The following PIK3AP1 variants were observed in gnomAD, a reference collection of about 807,000 sequenced individuals.
The protein encoded by PIK3AP1 is phosphoinositide-3-kinase adaptor protein 1.
Under a neutral mutation model 88.1 loss-of-function variants are expected in PIK3AP1, and 21 were observed. The observed-to-expected ratio is 0.24, with a 90% CI of 0.17 to 0.34. The LOEUF (loss-of-function observed/expected upper bound fraction) is 0.34. PIK3AP1 is among the 10% of genes least tolerant of loss of function. PIK3AP1 has a pLI of 1.00. For synonymous variants in PIK3AP1, 398 were observed against 400.0 expected, an observed-to-expected ratio of 1.00 and a Z score of 0.06; for missense variants, 828 against 1,035.7, an observed-to-expected ratio of 0.80 and a Z score of 2.75.
intron 2 of PIK3AP1, among the ~76,000 whole-genome samples, chr10:96,687,275 A>G (rs1048625204): frequency 1.6e-4 from 22 of 135,906 alleles, no homozygotes; most frequent in African/African-American, 6.2e-4. Flanking sequence ...AAAAAAAAAA[A>G]AAAAAAAAAA....
chr10:96,664,609 A>T (rs1257753085), intron 2 of PIK3AP1, among the ~76,000 whole-genome samples: 2 of 152,252 alleles, frequency 1.3e-5, no homozygotes, highest in East Asian at 3.8e-4. Context: ...CCAAGAGCCC[A>T]GCTTGACACA....
At chr10:96,667,876 C>T (rs1239601993) in intron 2 of PIK3AP1, among the ~76,000 whole-genome samples, 3 of 152,192 alleles carry the variant, frequency 2.0e-5, no homozygotes, top group Non-Finnish European at 4.4e-5. Flanking sequence ...ATAGAGGGAA[C>T]AGGGCCTTAA....
chr10:96,633,072 C>T (rs1487460201), intron 8 of PIK3AP1: 16 of 1,577,310 alleles, frequency 1.0e-5, no homozygotes, highest in Admixed American at 3.7e-5. Context: ...CCTACAAGAG[C>T]AATTTCTCTC....
chr10:96,711,603 T>C (rs2134293015), intron 1 of PIK3AP1, among the ~76,000 whole-genome samples: 1 of 152,314 alleles, frequency 6.6e-6, no homozygotes, highest in South Asian at 2.1e-4. Context: ...AGGCAAGACC[T>C]AGAGGCTCTG....
intron 2 of PIK3AP1, among the ~76,000 whole-genome samples, chr10:96,657,917 G>A (rs1453379540): frequency 1.3e-5 from 2 of 151,960 alleles, no homozygotes; most frequent in Non-Finnish European, 2.9e-5. Flanking sequence ...TACAAAATTA[G>A]CCAGGTGTGG....
At chr10:96,663,599 C>T (rs1260469706) in intron 2 of PIK3AP1, among the ~76,000 whole-genome samples, 2 of 128,572 alleles carry the variant, frequency 1.6e-5, no homozygotes, top group Non-Finnish European at 3.1e-5. Context: ...CACTGTACTC[C>T]AGCCTGGGCA....
chr10:96,675,518 G>A lies in PIK3AP1; in HGVS notation c.431-18584C>T, dbSNP rs755964033. On this transcript the variant is annotated intron_variant, in intron 2 of 16. Coordinates refer to ENST00000339364, the MANE Select transcript of PIK3AP1 (RefSeq NM_152309.3). ...TCAGAGGGTGGCACAGGAGCCCTTG[G>A]TCGGTTCTACTCCCAGCAACTGGAG... 5.3e-5 allele frequency among the ~76,000 whole-genome samples: 8 copies of A among 152,244 alleles called. No individual in the cohort carries two copies. In the East Asian group the frequency reaches 7.7e-4, roughly 15 times the overall value.
chr10:96,649,234 G>A (rs1474068763), intron 6 of PIK3AP1, among the ~76,000 whole-genome samples: 1 of 152,094 alleles, frequency 6.6e-6, no homozygotes, highest in Non-Finnish European at 1.5e-5. Flanking sequence ...AGTAGAGATG[G>A]GGCTTCACCA....
At chr10:96,617,871 G>C (rs1247925756) in intron 12 of PIK3AP1, among the ~76,000 whole-genome samples, 1 of 152,196 alleles carries the variant, frequency 6.6e-6, no homozygotes, top group African/African-American at 2.4e-5. Context: ...GGGGCACTCA[G>C]GGGGACAAAG....
rs143613269 is a variant in PIK3AP1 at position 96,613,542 on chromosome 10, C to T, written c.2014+3097G>A. Among the ~76,000 whole-genome samples, 425 of 152,248 alleles carry T rather than the reference C, an allele frequency of 2.8e-3. 2 individuals carry two copies. Among genetic ancestry groups the T allele is most frequent in the African/African-American group, 0.01 (416 of 41,542 alleles). ...GTACAAATACTTAACACCCCTCTCC[C>T]GAAAATATCCTTGTCAGAGGGTCTG... On this transcript the variant is annotated intron_variant, in intron 13 of 16. Transcript: ENST00000339364.
At chr10:96,681,594 C>A (rs1564982151) in intron 2 of PIK3AP1, among the ~76,000 whole-genome samples, 1 of 152,098 alleles carries the variant, frequency 6.6e-6, no homozygotes, top group Non-Finnish European at 1.5e-5. Flanking sequence ...AACTTGGGCC[C>A]AAAAGGGGGC....
At chr10:96,623,142 G>A (rs972209988) in intron 11 of PIK3AP1, among the ~76,000 whole-genome samples, 2 of 152,036 alleles carry the variant, frequency 1.3e-5, no homozygotes, top group Admixed American at 6.6e-5. Context: ...TTTACCATCA[G>A]TACAAGACTC....
At position 96,609,715 on chromosome 10, in the gene PIK3AP1, C is replaced by T; in HGVS notation, c.2167G>A (p.Ala723Thr). 3 of 1,613,382 alleles carry T rather than the reference C, an allele frequency of 1.9e-6. No individual in the cohort carries two copies. Among genetic ancestry groups the T allele is most frequent in the Non-Finnish European group, 2.5e-6 (3 of 1,179,696 alleles). Residue 723 changes from alanine to threonine, a missense_variant, in exon 14 of 17, where the codon GCA becomes ACA. Ala to Thr is a moderately conservative substitution (Grantham distance 58). Coordinates refer to ENST00000339364, the MANE Select transcript of PIK3AP1 (RefSeq NM_152309.3). ...CCCCGCACCCCCAGCTGCTCACTTG[C>T]TGTGCTGGAGGTGCTGTCTGTTTTC... Reference protein sequence around the residue: ...DWKTDSTSSTASSTSNRSSTR... With the variant: ...DWKTDSTSSTTSSTSNRSSTR...
intron 2 of PIK3AP1, among the ~76,000 whole-genome samples, chr10:96,666,504 C>T (rs1002409660): frequency 6.6e-6 from 1 of 152,056 alleles, no homozygotes; most frequent in African/African-American, 2.4e-5. Flanking sequence ...ACTAAAGCTT[C>T]ATAATATTTA....
chr10:96,686,801 C>T (rs1564983877), intron 2 of PIK3AP1, among the ~76,000 whole-genome samples: 1 of 152,072 alleles, frequency 6.6e-6, no homozygotes, highest in Non-Finnish European at 1.5e-5. Context: ...TCCAAACCAA[C>T]TTGGTTCGTT....
chr10:96,607,733 G>A (rs1264457068), intron 14 of PIK3AP1, among the ~76,000 whole-genome samples: 2 of 152,218 alleles, frequency 1.3e-5, no homozygotes, highest in Non-Finnish European at 2.9e-5. Flanking sequence ...AGGCCCCGGA[G>A]GATGAGAGGT....
At chr10:96,713,256 G>T (rs1844460742) in intron 1 of PIK3AP1, among the ~76,000 whole-genome samples, 1 of 151,742 alleles carries the variant, frequency 6.6e-6, no homozygotes, top group African/African-American at 2.4e-5. Context: ...CCAGCACTTT[G>T]GTAGGCCGAG....
chr10:96,697,151 A>G (rs1448790653), intron 2 of PIK3AP1, among the ~76,000 whole-genome samples: 1 of 152,182 alleles, frequency 6.6e-6, no homozygotes, highest in African/African-American at 2.4e-5. Context: ...ATCAGCCTAA[A>G]TTTGACAAGA....
intron 9 of PIK3AP1, among the ~76,000 whole-genome samples, chr10:96,627,541 G>GTC (rs1245408090): frequency 6.6e-6 from 1 of 152,154 alleles, no homozygotes; most frequent in Admixed American, 6.5e-5. Flanking sequence ...GCTGTGGTTT[G>GTC]TCTACCACTG....
Sources: allele counts gnomAD v4.1 joint callset (sites outside exome capture counted in the v4.1 genomes callset), GRCh38; gene constraint gnomAD v4.1.1; transcripts MANE v1.5; gene names NCBI Gene and HGNC (gene_info 2026-07-23, HGNC 2026-07-21).